HINT3: variants seen among roughly 807,000 people sequenced by gnomAD.
The protein encoded by HINT3 is adenosine 5'-monophosphoramidase HINT3.
In HINT3, 16 loss-of-function variants were observed where a neutral mutation model predicts 19.1. The ratio of observed to expected loss-of-function variants is 0.84; its 90% CI spans 0.57 to 1.27. The LOEUF is 1.27. HINT3 is among the 50% of genes most tolerant of loss of function. HINT3 has a pLI of 0.00. For synonymous variants in HINT3, 75 were observed against 84.8 expected (o/e 0.88, Z 0.63); for missense variants, 197 against 225.8 (o/e 0.87, Z 0.82).
intron 1 of HINT3, among the ~76,000 whole-genome samples, chr6:125,965,225 A>G (rs891603028): frequency 6.6e-6 from 1 of 152,184 alleles, no homozygotes; most frequent in African/African-American, 2.4e-5. Flanking sequence ...CCTGCTAGCC[A>G]TTAGACTGGC....
intron 1 of HINT3, among the ~76,000 whole-genome samples, chr6:125,957,607 G>A (rs1341783637): frequency 6.6e-6 from 1 of 152,194 alleles, no homozygotes; most frequent in Non-Finnish European, 1.5e-5. Flanking sequence ...TACCGATACT[G>A]ATGAGAAAAC....
chr6:125,962,211 C>CAT (rs1375159494), intron 1 of HINT3, among the ~76,000 whole-genome samples: 1 of 12,498 alleles, frequency 8.0e-5, no homozygotes, highest in African/African-American at 6.5e-4. Flanking sequence ...TATATATATA[C>CAT]ACATATATAT....
intron 2 of HINT3, among the ~76,000 whole-genome samples, chr6:125,968,773 A>G (rs1789054800): frequency 6.6e-6 from 1 of 151,918 alleles, no homozygotes; most frequent in Non-Finnish European, 1.5e-5. Context: ...AGTGATGTGG[A>G]GCATTTTTTT....
At chr6:125,964,092 C>G (rs965615739) in intron 1 of HINT3, among the ~76,000 whole-genome samples, 8 of 152,112 alleles carry the variant, frequency 5.3e-5, no homozygotes, top group African/African-American at 1.9e-4. Flanking sequence ...GAGGAGCTTC[C>G]CTGTGATCCA....
intron 4 of HINT3, among the ~76,000 whole-genome samples, chr6:125,977,273 T>G (rs1789192693): frequency 6.6e-6 from 1 of 152,164 alleles, no homozygotes. Flanking sequence ...TCTCCATAGT[T>G]TGGCTTTTTG....
intron 3 of HINT3, among the ~76,000 whole-genome samples, chr6:125,972,869 G>A (rs2128711845): frequency 6.6e-6 from 1 of 151,824 alleles, no homozygotes; most frequent in Middle Eastern, 3.4e-3. Context: ...GGGATTACAG[G>A]TGTGAGTCAC....
chr6:125,975,039 T>G, intron 4 of HINT3, 66 bp downstream of exon 4: 1 of 1,536,774 alleles, frequency 6.5e-7, no homozygotes, highest in East Asian at 2.3e-5. Context: ...TTGTAGTTTT[T>G]TCTTCTCAAC....
chr6:125,964,737 TACACACACACAC>T (rs3083382), intron 1 of HINT3, among the ~76,000 whole-genome samples: 2,827 of 148,400 alleles, frequency 0.019, 60 homozygotes, highest in African/African-American at 0.055. Flanking sequence ...AATAGTTTTA[TACACACACACAC>T]ACACACACAC....
intron 1 of HINT3, among the ~76,000 whole-genome samples, chr6:125,963,032 G>T (rs999687088): frequency 1.3e-5 from 2 of 152,204 alleles, no homozygotes; most frequent in African/African-American, 4.8e-5. Context: ...AAATAACTCA[G>T]TGCCAATTTA....
intron 1 of HINT3, among the ~76,000 whole-genome samples, chr6:125,961,916 T>C (rs1176796435): frequency 1.3e-5 from 2 of 151,842 alleles, no homozygotes; most frequent in Non-Finnish European, 2.9e-5. Context: ...CTCCAGGGTA[T>C]GAGGCAGAAT....
At chr6:125,961,565 TC>T (rs1314896928) in intron 1 of HINT3, among the ~76,000 whole-genome samples, 1 of 152,140 alleles carries the variant, frequency 6.6e-6, no homozygotes, top group Middle Eastern at 3.2e-3. Flanking sequence ...CTTACAGAAC[TC>T]AGGGAAACAC....
chr6:125,960,707 G>A (rs939147203), intron 1 of HINT3, among the ~76,000 whole-genome samples: 2 of 142,766 alleles, frequency 1.4e-5, no homozygotes, highest in Non-Finnish European at 3.0e-5. Flanking sequence ...TGAAGTGGTA[G>A]ACCATGGAAT....
In HINT3 at chr6:125,975,581, G is replaced by GTTTTTTTTTTTTTT. The variant is rs149094456; in HGVS notation, c.516+610_516+611insTTTTTTTTTTTTTT. 2.8e-5 allele frequency among the ~76,000 whole-genome samples: 4 copies of GTTTTTTTTTTTTTT among 143,620 alleles called. 2 individuals carry two copies. The highest frequency in any genetic ancestry group is 5.2e-5 in the African/African-American group (2 of 38,272). 94.2% of individuals were successfully genotyped at this position (143,620 alleles called of 152,430 possible). ...CACCTATCAGATCTGTGGCTGAAGA[G>GTTTTTTTTTTTTTT]TTGTTTTTTTTTTTTTTGAGACAGT... On this transcript the variant is annotated intron_variant, in intron 4 of 4. Transcript: ENST00000229633.
chr6:125,969,115 C>T (rs141799347), intron 2 of HINT3, among the ~76,000 whole-genome samples: 246 of 152,128 alleles, frequency 1.6e-3, no homozygotes, highest in Middle Eastern at 6.8e-3. Flanking sequence ...CTAGGGTTTC[C>T]TCTAGGATTC....
chr6:125,969,687 C>T (rs1286980455), intron 2 of HINT3, among the ~76,000 whole-genome samples: 5 of 152,020 alleles, frequency 3.3e-5, no homozygotes, highest in African/African-American at 9.7e-5. Flanking sequence ...TAGTTCTCCT[C>T]GTAGAGATCT....
intron 1 of HINT3, among the ~76,000 whole-genome samples, chr6:125,958,042 G>C (rs7756024): frequency 6.6e-6 from 1 of 152,010 alleles, no homozygotes; most frequent in African/African-American, 2.4e-5. Flanking sequence ...ACAATGCCTC[G>C]TGCTGTGGTC....
intron 4 of HINT3, among the ~76,000 whole-genome samples, chr6:125,975,584 GT>G (rs397694163): frequency 9.6e-5 from 14 of 145,194 alleles, no homozygotes; most frequent in South Asian, 2.1e-4. Flanking sequence ...CTGAAGAGTT[GT>G]TTTTTTTTTT....
intron 1 of HINT3, among the ~76,000 whole-genome samples, chr6:125,960,831 C>T (rs1788914317): frequency 6.6e-6 from 1 of 152,084 alleles, no homozygotes; most frequent in African/African-American, 2.4e-5. Context: ...TCAGAAGGGA[C>T]CTAGTTCTGC....
intron 1 of HINT3, among the ~76,000 whole-genome samples, chr6:125,957,927 C>T (rs1788864085): frequency 6.6e-6 from 1 of 152,036 alleles, no homozygotes; most frequent in Non-Finnish European, 1.5e-5. Flanking sequence ...AATATAATTC[C>T]TTCTAAGCAC....
Sources: gnomAD v4.1 joint callset for allele counts (sites outside exome capture counted in the v4.1 genomes callset) on GRCh38, gnomAD v4.1.1 for gene constraint, MANE v1.5 for transcripts, NCBI Gene and HGNC (gene_info 2026-07-23, HGNC 2026-07-21) for gene names.